The following COL24A1 variants were observed in gnomAD, a reference collection of about 807,000 sequenced individuals.
COL24A1 encodes the protein collagen type XXIV alpha 1 chain, also known as collagen alpha-1(XXIV) chain.
Under a neutral mutation model 253.9 loss-of-function variants are expected in COL24A1, and 224 were observed. The observed-to-expected ratio is 0.88, with a 90% CI of 0.79 to 0.99. The LOEUF (loss-of-function observed/expected upper bound fraction) is 0.99. Ranked by LOEUF, COL24A1 falls within the 50% of genes least tolerant of loss-of-function variation. COL24A1 has a pLI of 0.00. For missense variants in COL24A1, 2,131 were observed against 2,068.5 expected (o/e 1.03, Z -0.59); for synonymous variants, 685 against 673.7 (o/e 1.02, Z -0.26).
chr1:86,135,689 A>G (rs1285346746), intron 2 of COL24A1, among the ~76,000 whole-genome samples: 1 of 151,812 alleles, frequency 6.6e-6, no homozygotes, highest in African/African-American at 2.4e-5. Flanking sequence ...TATCCTTTTA[A>G]TATATTGCCT....
chr1:85,748,579 C>A (rs1241388854), intron 55 of COL24A1, among the ~76,000 whole-genome samples: 1 of 151,526 alleles, frequency 6.6e-6, no homozygotes, highest in Non-Finnish European at 1.5e-5. Context: ...CCAGCGTGAG[C>A]CACGCAGAAG....
chr1:86,076,852 T>A (rs529048435), intron 7 of COL24A1, among the ~76,000 whole-genome samples: 8 of 152,290 alleles, frequency 5.3e-5, no homozygotes, highest in African/African-American at 1.9e-4. Flanking sequence ...TCAAGATGGA[T>A]TACAGACTTA....
intron 37 of COL24A1, among the ~76,000 whole-genome samples, chr1:85,850,585 C>A (rs1677645614): frequency 6.6e-6 from 1 of 152,048 alleles, no homozygotes; most frequent in Non-Finnish European, 1.5e-5. Flanking sequence ...TTAATGAGGC[C>A]TTTCAAAAAG....
chr1:86,122,852 C>T (rs1647596093), intron 3 of COL24A1, among the ~76,000 whole-genome samples: 1 of 151,916 alleles, frequency 6.6e-6, no homozygotes, highest in Admixed American at 6.6e-5. Context: ...ACCGATTTTC[C>T]AATTAATACC....
chr1:85,895,404 G>A (rs1279721304), intron 31 of COL24A1, among the ~76,000 whole-genome samples: 1 of 152,100 alleles, frequency 6.6e-6, no homozygotes, highest in East Asian at 1.9e-4. Context: ...CCTGAAAAAA[G>A]TTAGTTATTA....
At chr1:85,830,216 C>T (rs1675020222) in intron 43 of COL24A1, among the ~76,000 whole-genome samples, 1 of 152,044 alleles carries the variant, frequency 6.6e-6, no homozygotes, top group African/African-American at 2.4e-5. Context: ...CTGGGGGGTG[C>T]CTCCCAGTTA....
intron 52 of COL24A1, among the ~76,000 whole-genome samples, chr1:85,778,434 G>A (rs966058754): frequency 1.3e-5 from 2 of 151,572 alleles, no homozygotes; most frequent in Non-Finnish European, 2.9e-5. Flanking sequence ...GTTATATATT[G>A]TATGCTTTGT....
intron 29 of COL24A1, 50 bp from the exon 30 acceptor site, chr1:85,896,115 C>T (rs760648265): frequency 2.5e-6 from 4 of 1,570,624 alleles, no homozygotes; most frequent in Non-Finnish European, 3.5e-6. Flanking sequence ...GAATTATGGT[C>T]TTACTATGCT....
chr1:85,786,682 G>A (rs1270162248), intron 47 of COL24A1, among the ~76,000 whole-genome samples: 1 of 152,082 alleles, frequency 6.6e-6, no homozygotes, highest in Non-Finnish European at 1.5e-5. Flanking sequence ...ATGATCTTGG[G>A]TTTTTAAAAT....
At chr1:85,983,017 A>G (rs1248675798) in intron 20 of COL24A1, among the ~76,000 whole-genome samples, 3 of 151,998 alleles carry the variant, frequency 2.0e-5, no homozygotes, top group African/African-American at 7.2e-5. Context: ...CTCTACAGAT[A>G]AATACATGAC....
chr1:86,050,230 A>G, intron 10 of COL24A1, 53 bp from the exon 11 acceptor site: 2 of 1,492,192 alleles, frequency 1.3e-6, no homozygotes, highest in Non-Finnish European at 9.3e-7. Context: ...TTCTCCCCAT[A>G]AGTGATTCTG....
chr1:85,868,571 C>T lies in COL24A1; in HGVS notation c.3248G>A (p.Gly1083Asp). The change falls in exon 37 of 60, where the codon GGC (glycine) becomes GAC (aspartate). Residue 1083 changes from glycine (G) to aspartate (D), a missense_variant. Physicochemically the swap from Gly to Asp is moderately conservative, Grantham distance 94. Coordinates refer to ENST00000370571, the MANE Select transcript of COL24A1 (RefSeq NM_152890.7). ...CAAGGGTCCTATAATTCCTGGTAAG[C>T]CCATCTCTCCTTTTTCTCCATCCTC... is the stretch of plus-strand genomic sequence containing the variant. Reference protein sequence around the residue: ...PGEDGEKGEMGLPGIIGPLGR... With the variant: ...PGEDGEKGEMDLPGIIGPLGR... 1 of 1,613,944 alleles carries T rather than the reference C, an allele frequency of 6.2e-7. No homozygotes were observed. The highest frequency in any genetic ancestry group is 8.5e-7 in the Non-Finnish European group (1 of 1,179,886).
intron 27 of COL24A1, 92 bp from the exon 28 acceptor site, chr1:85,907,339 C>A: frequency 9.5e-7 from 1 of 1,054,186 alleles, no homozygotes; most frequent in Non-Finnish European, 1.4e-6. Context: ...ATATCCTTCT[C>A]CCAGGACATT....
At chr1:85,925,458 C>T (rs570907541) in intron 24 of COL24A1, among the ~76,000 whole-genome samples, 2 of 152,170 alleles carry the variant, frequency 1.3e-5, no homozygotes, top group Non-Finnish European at 2.9e-5. Context: ...CAGCATGGTA[C>T]TGTTACCAAA....
At chr1:85,875,470 G>A (rs12122234) in intron 33 of COL24A1, 140 bp from the exon 34 acceptor site, 223,096 of 618,118 alleles carry the variant, frequency 0.36, 44,109 homozygotes, top group African/African-American at 0.48. Flanking sequence ...TAGCATAAGA[G>A]CAGATTCTTT....
At chr1:85,764,572 AATC>A (rs746051458) in intron 53 of COL24A1, among the ~76,000 whole-genome samples, 9 of 151,976 alleles carry the variant, frequency 5.9e-5, no homozygotes, top group Admixed American at 3.3e-4. Flanking sequence ...AGAAAAACAC[AATC>A]ATATAGGAAT....
At chr1:86,095,488 A>T (rs148429928) in intron 5 of COL24A1, among the ~76,000 whole-genome samples, 156 of 152,164 alleles carry the variant, frequency 1.0e-3, no homozygotes, top group African/African-American at 3.5e-3. Flanking sequence ...TATAAAATGC[A>T]TGCAGCGAAG....
chr1:85,882,204 GCA>G (rs1681928819), intron 32 of COL24A1, among the ~76,000 whole-genome samples: 1 of 152,108 alleles, frequency 6.6e-6, no homozygotes, highest in South Asian at 2.1e-4. Context: ...TTGGCCGGGC[GCA>G]GTGGCTCACG....
chr1:85,842,029 GTTTAAC>G, intron 41 of COL24A1, 33 bp downstream of exon 41: 3 of 1,556,596 alleles, frequency 1.9e-6, no homozygotes, highest in Non-Finnish European at 2.7e-6. Context: ...TGAACTCAAT[GTTTAAC>G]TTTAAGATTA....
Sources: allele counts gnomAD v4.1 joint callset (sites outside exome capture counted in the v4.1 genomes callset), GRCh38; gene constraint gnomAD v4.1.1; transcripts MANE v1.5; gene names NCBI Gene and HGNC (gene_info 2026-07-23, HGNC 2026-07-21).